Variants in A4GNT observed in about 807,000 individuals in gnomAD.
A4GNT encodes alpha-1,4-N-acetylglucosaminyltransferase.
A4GNT carries 6 observed loss-of-function variants against 8.3 expected under a neutral mutation model. That is an observed-to-expected ratio of 0.72 (90% CI 0.39 to 1.42). The LOEUF is 1.42. Among genes scored for constraint, A4GNT ranks in the 40% most tolerant of loss-of-function variants. The pLI is 0.02. For synonymous variants in A4GNT, 157 were observed against 159.8 expected, an observed-to-expected ratio of 0.98 and a Z score of 0.13; for missense variants, 377 against 417.0, an observed-to-expected ratio of 0.90 and a Z score of 0.84.
At chr3:138,128,920 A>G (rs1479648931) in intron 2 of A4GNT, among the ~76,000 whole-genome samples, 4 of 152,062 alleles carry the variant, frequency 2.6e-5, no homozygotes, top group Non-Finnish European at 4.4e-5. Flanking sequence ...ATGGGTCCCA[A>G]TTTGAGGACT....
Position 138,124,188 on chromosome 3 carries a change from T to G in A4GNT, c.*76A>C. On this transcript the variant is annotated 3_prime_UTR_variant, in exon 3 of 3. Transcript: ENST00000236709. Reference sequence around the variant, plus strand: ...CTCTGCCCACCCCGCCAAGAGACAGTGGAGATCAAGTGAAAATGTGGCACT... The same window carrying G: ...CTCTGCCCACCCCGCCAAGAGACAGGGGAGATCAAGTGAAAATGTGGCACT... 1.2e-5 allele frequency: 19 copies of G among 1,530,374 alleles called. No individual in the cohort carries two copies. The highest frequency in any genetic ancestry group is 1.8e-4 in the Middle Eastern group (1 of 5,654). 94.8% of individuals were successfully genotyped at this position (1,530,374 alleles called of 1,614,324 possible). A position where few individuals can be genotyped will look rare whatever the true frequency, so the allele number is the denominator to read the frequency against.
At chr3:138,128,475 T>TG (rs35910480) in intron 2 of A4GNT, among the ~76,000 whole-genome samples, 1 of 148,278 alleles carries the variant, frequency 6.7e-6, no homozygotes, top group South Asian at 2.2e-4. Flanking sequence ...AGAGTGGGGG[T>TG]GGGGGGGTAG....
intron 2 of A4GNT, among the ~76,000 whole-genome samples, chr3:138,130,153 C>T (rs1176586286): frequency 6.6e-6 from 1 of 151,218 alleles, no homozygotes; most frequent in Non-Finnish European, 1.5e-5. Context: ...ATTATAATTA[C>T]ATTATGACAT....
chr3:138,127,360 G>A (rs1471734324), intron 2 of A4GNT, among the ~76,000 whole-genome samples: 1 of 151,740 alleles, frequency 6.6e-6, no homozygotes, highest in Non-Finnish European at 1.5e-5. Flanking sequence ...CGGATCACGA[G>A]GTCAAAAGAT....
chr3:138,129,636 A>C (rs2042764786), intron 2 of A4GNT, among the ~76,000 whole-genome samples: 2 of 152,220 alleles, frequency 1.3e-5, no homozygotes, highest in South Asian at 4.1e-4. Flanking sequence ...AAACTACCAC[A>C]AGTACCTTCA....
At chr3:138,127,297 G>T (rs567823461) in intron 2 of A4GNT, among the ~76,000 whole-genome samples, 1 of 151,536 alleles carries the variant, frequency 6.6e-6, no homozygotes, top group African/African-American at 2.4e-5. Context: ...GACCAGGGGC[G>T]GGGCACAGTG....
At position 138,124,393 on chromosome 3, in the gene A4GNT, C is replaced by G. The variant is rs1300619476; in HGVS notation, c.894G>C (p.Arg298=). The G allele has an allele frequency of 1.9e-6, 3 of 1,614,106 alleles. No individual in the cohort carries two copies. Among genetic ancestry groups the G allele is most frequent in the Non-Finnish European group, 2.5e-6 (3 of 1,180,048 alleles). The change falls in exon 3 of 3, where the codon CGG becomes CGC. Residue 298 remains arginine (R), a synonymous_variant. Coordinates refer to ENST00000236709, the MANE Select transcript of A4GNT (RefSeq NM_016161.3). ...GTGTGTTGCTTCCTCTAATCACAGC[C>G]CGCCCCTCCTGGTTCATGTGGTTCC... ...HLWNHMNQEG[R]AVIRGSNTLV...
rs778897391 is a variant in A4GNT at position 138,124,579 on chromosome 3, A to G, written c.708T>C (p.Cys236=). 1 of 1,614,244 alleles carries G rather than the reference A, an allele frequency of 6.2e-7. No homozygotes were observed. Among genetic ancestry groups the G allele is most frequent in the East Asian group, 2.2e-5 (1 of 44,892 alleles). The change falls in exon 3 of 3, where the codon TGT becomes TGC. Residue 236 remains cysteine (C), a synonymous_variant. Transcript: ENST00000236709. The part of the protein sequence containing the change: ...ELMTRMLRVW[C]KLEDFQEVSD... The stretch of plus-strand genomic sequence containing the variant: ...TCACCTCCTGGAAGTCTTCAAGTTT[A>G]CACCATACCCTCAACATCCTTGTCA...
At chr3:138,125,129 G>GT (rs1009003619) in intron 2 of A4GNT, among the ~76,000 whole-genome samples, 1 of 152,018 alleles carries the variant, frequency 6.6e-6, no homozygotes, top group Non-Finnish European at 1.5e-5. Context: ...TCATGAAATG[G>GT]TTTTTTTAAA....
chr3:138,131,345 G>A (rs1309391008), intron 1 of A4GNT, 63 bp from the exon 2 acceptor site: 13 of 1,270,250 alleles, frequency 1.0e-5, no homozygotes, highest in Non-Finnish European at 1.3e-5. Flanking sequence ...TAGCACACAA[G>A]AAAATGATAC....
chr3:138,130,050 C>T (rs906861180), intron 2 of A4GNT, among the ~76,000 whole-genome samples: 3 of 150,654 alleles, frequency 2.0e-5, no homozygotes, highest in Non-Finnish European at 4.4e-5. Flanking sequence ...TACGAAAACA[C>T]CTACTATTAT....
At chr3:138,132,548 C>G (rs931700733), upstream of A4GNT, among the ~76,000 whole-genome samples, 1 of 152,180 alleles carries the variant, frequency 6.6e-6, no homozygotes, top group Admixed American at 6.5e-5. Flanking sequence ...CACTTGGGAA[C>G]AAGAGGGGTT....
At chr3:138,128,935 G>A (rs2042761370) in intron 2 of A4GNT, among the ~76,000 whole-genome samples, 1 of 152,132 alleles carries the variant, frequency 6.6e-6, no homozygotes, top group African/African-American at 2.4e-5. Flanking sequence ...AGGACTTCAA[G>A]TTTCTTCAGA....
chr3:138,127,372 G>A (rs1461002091), intron 2 of A4GNT, among the ~76,000 whole-genome samples: 2 of 151,616 alleles, frequency 1.3e-5, no homozygotes, highest in Admixed American at 6.6e-5. Flanking sequence ...TCAAAAGATC[G>A]AGACCATCCT....
At chr3:138,126,018 C>G (rs1269540478) in intron 2 of A4GNT, among the ~76,000 whole-genome samples, 1 of 152,118 alleles carries the variant, frequency 6.6e-6, no homozygotes, top group East Asian at 1.9e-4. Context: ...GGGAAGTGAT[C>G]TCAATTACTC....
rs142662821 is a variant in A4GNT at position 138,128,967 on chromosome 3, A to G, written c.408+1882T>C. On this transcript the variant is annotated intron_variant, in intron 2 of 2. Coordinates refer to ENST00000236709, the MANE Select transcript of A4GNT (RefSeq NM_016161.3). ...CAGAAGGAGAGATATGCACTTTGGG[A>G]TGTAGAAGTCACTGGGGCCAAGAAT... 5.1e-3 allele frequency among the ~76,000 whole-genome samples: 773 copies of G among 152,176 alleles called. 8 individuals carry two copies. The highest frequency in any genetic ancestry group is 0.014 in the African/African-American group (576 of 41,510).
chr3:138,128,231 A>G (rs1224290574), intron 2 of A4GNT, among the ~76,000 whole-genome samples: 1 of 152,226 alleles, frequency 6.6e-6, no homozygotes, highest in Non-Finnish European at 1.5e-5. Flanking sequence ...TTCAAGGAGC[A>G]AAATACAATT....
intron 2 of A4GNT, among the ~76,000 whole-genome samples, chr3:138,127,622 C>T (rs1360471911): frequency 6.6e-6 from 1 of 151,918 alleles, no homozygotes; most frequent in Non-Finnish European, 1.5e-5. Context: ...GGATGACCAG[C>T]GGAAAGAGGT....
At chr3:138,129,853 C>A (rs1387568730) in intron 2 of A4GNT, among the ~76,000 whole-genome samples, 1 of 152,190 alleles carries the variant, frequency 6.6e-6, no homozygotes, top group East Asian at 1.9e-4. Flanking sequence ...GGCCTTTGAA[C>A]TCCTGGGCTC....
Sources: gnomAD v4.1 joint callset for allele counts (sites outside exome capture counted in the v4.1 genomes callset) on GRCh38, gnomAD v4.1.1 for gene constraint, MANE v1.5 for transcripts, NCBI Gene and HGNC (gene_info 2026-07-23, HGNC 2026-07-21) for gene names.